Variants in STMN4 observed in about 807,000 individuals in gnomAD.
STMN4 encodes the protein stathmin-4.
In STMN4, 12 loss-of-function variants were observed where a neutral mutation model predicts 29.1. The ratio of observed to expected loss-of-function variants is 0.41; its 90% CI spans 0.26 to 0.67. The LOEUF (loss-of-function observed/expected upper bound fraction) is 0.67. Among genes scored for constraint, STMN4 ranks in the 30% least tolerant of loss-of-function variants. STMN4 has a pLI of 0.30. For missense variants in STMN4, 181 were observed against 262.8 expected (o/e 0.69, Z 2.15); for synonymous variants, 114 against 105.3 (o/e 1.08, Z -0.51).
At chr8:27,243,687 T>A (rs4733040) in intron 2 of STMN4, 24 bp downstream of exon 2, 1,183,822 of 1,611,424 alleles carry the variant, frequency 0.73, 436,500 homozygotes, top group East Asian at 0.89. Context: ...CCTACGCCCC[T>A]TAACACATGG....
chr8:27,253,213 C>T (rs898269849), intron 1 of STMN4, among the ~76,000 whole-genome samples: 9 of 152,196 alleles, frequency 5.9e-5, no homozygotes, highest in Non-Finnish European at 7.3e-5. Context: ...CATTGAACTA[C>T]GCTGAAAGAA....
intron 1 of STMN4, among the ~76,000 whole-genome samples, chr8:27,255,528 C>A (rs1383328481): frequency 6.6e-6 from 1 of 152,170 alleles, no homozygotes; most frequent in African/African-American, 2.4e-5. Context: ...AGCAAGAACA[C>A]AAAATATCTG....
intron 1 of STMN4, among the ~76,000 whole-genome samples, chr8:27,254,646 G>A (rs1801887225): frequency 6.6e-6 from 1 of 150,828 alleles, no homozygotes; most frequent in South Asian, 2.1e-4. Flanking sequence ...AGGGGGTGGG[G>A]TGGGAGTGTT....
chr8:27,246,749 G>A (rs1801634950), intron 1 of STMN4, among the ~76,000 whole-genome samples: 1 of 152,200 alleles, frequency 6.6e-6, no homozygotes, highest in Non-Finnish European at 1.5e-5. Context: ...GAACCTGCAA[G>A]AGACAAGGAC....
chr8:27,241,703 G>A lies in STMN4; in HGVS notation c.164C>T (p.Ala55Val), dbSNP rs747579578. The A allele has an allele frequency of 4.3e-6, 7 of 1,614,166 alleles. No individual in the cohort carries two copies. In the Admixed American group the frequency reaches 1.2e-4, roughly 27 times the overall value. The change falls in exon 4 of 7, where the codon GCT (alanine) becomes GTT (valine). Residue 55 changes from alanine to valine, a missense_variant. Coordinates refer to ENST00000350889, the MANE Select transcript of STMN4 (RefSeq NM_030795.4). ...CTGAGCTCTTCTTTCTCTCCAGTCA[G>A]CACTGTCTTTCCGCTGGCTTTCATC... ...RKDESQRKDS[A>V]DWRERRAQAD...
At chr8:27,247,983 C>T (rs1042080828) in intron 1 of STMN4, among the ~76,000 whole-genome samples, 2 of 152,170 alleles carry the variant, frequency 1.3e-5, no homozygotes, top group African/African-American at 4.8e-5. Flanking sequence ...TTGCATCCAG[C>T]AGCAACAAAG....
rs994368446 is a variant in STMN4 at position 27,255,885 on chromosome 8, C to T, written c.-79+2466G>A. Among the ~76,000 whole-genome samples the T allele has an allele frequency of 7.9e-5, 12 of 152,132 alleles. 1 individual carries two copies. Among genetic ancestry groups the T allele is most frequent in the African/African-American group, 2.4e-4 (10 of 41,404 alleles). Reference sequence around the variant, plus strand: ...CTTTCACCGTCCCTCCACCTCTAGTCGACAACCTGGCCACTATGGACAATA... The same window carrying T: ...CTTTCACCGTCCCTCCACCTCTAGTTGACAACCTGGCCACTATGGACAATA... On this transcript the variant is annotated intron_variant, in intron 1 of 6. Transcript: ENST00000350889.
intron 1 of STMN4, among the ~76,000 whole-genome samples, chr8:27,256,439 G>A (rs894511763): frequency 1.3e-5 from 2 of 152,140 alleles, no homozygotes; most frequent in African/African-American, 4.8e-5. Context: ...TTAGGGTTAG[G>A]AGAGGTAATT....
At chr8:27,249,212 G>A (rs1801715062) in intron 1 of STMN4, among the ~76,000 whole-genome samples, 1 of 152,188 alleles carries the variant, frequency 6.6e-6, no homozygotes, top group African/African-American at 2.4e-5. Flanking sequence ...CTCACGGTGG[G>A]ACAGTGGGGA....
intron 1 of STMN4, among the ~76,000 whole-genome samples, chr8:27,253,227 C>A (rs1801843848): frequency 6.6e-6 from 1 of 152,174 alleles, no homozygotes; most frequent in African/African-American, 2.4e-5. Context: ...GAAAGAAATT[C>A]CTTATCTTTT....
intron 2 of STMN4, 118 bp from the exon 3 acceptor site, chr8:27,242,610 G>T: frequency 1.1e-6 from 1 of 922,678 alleles, no homozygotes; most frequent in Non-Finnish European, 1.7e-6. Flanking sequence ...AAACCACGCA[G>T]GCACACGCCA....
intron 1 of STMN4, among the ~76,000 whole-genome samples, chr8:27,257,225 C>G (rs151280310): frequency 8.7e-4 from 133 of 152,264 alleles, no homozygotes; most frequent in Non-Finnish European, 1.5e-3. Flanking sequence ...ATTCCCCTAG[C>G]ACCCGCCTGT....
At chr8:27,256,177 A>G (rs1801934149) in intron 1 of STMN4, among the ~76,000 whole-genome samples, 1 of 152,170 alleles carries the variant, frequency 6.6e-6, no homozygotes, top group East Asian at 1.9e-4. Context: ...TAGAGAAAGA[A>G]TGTAGGATGG....
At chr8:27,247,587 G>T (rs868696115) in intron 1 of STMN4, among the ~76,000 whole-genome samples, 1 of 152,168 alleles carries the variant, frequency 6.6e-6, no homozygotes, top group African/African-American at 2.4e-5. Flanking sequence ...TGTCTTGTGG[G>T]GTTTGTTAAA....
At chr8:27,241,797 T>C in intron 3 of STMN4, 40 bp from the exon 4 acceptor site, 1 of 1,611,444 alleles carries the variant, frequency 6.2e-7, no homozygotes, top group Non-Finnish European at 8.5e-7. Flanking sequence ...CGAGCATGCC[T>C]GTTCCTTGGT....
chr8:27,258,275 T>TC (rs1802002129), intron 1 of STMN4, 76 bp downstream of exon 1: 1 of 152,246 alleles, frequency 6.6e-6, no homozygotes, highest in African/African-American at 2.4e-5. Context: ...CCCTCGCTTC[T>TC]CCCCACTGTA....
In STMN4 at chr8:27,241,212, CG is replaced by C; in HGVS notation, c.240del (p.Ile80MetfsTer3). 6.2e-7 allele frequency: 1 copy of C among 1,614,202 alleles called. No individual in the cohort carries two copies. Among genetic ancestry groups the C allele is most frequent in the Non-Finnish European group, 8.5e-7 (1 of 1,180,042 alleles). ...NWCVISDMEV[I>X]ELNKCTSGQS... ...TGGCCCGAGGTGCATTTGTTCAGCT[CG>C]ATGACTTCCATGTCGGAAATGACGC... On this transcript the variant is annotated frameshift_variant, in exon 5 of 7. Transcript: ENST00000350889. LOFTEE classifies it high-confidence loss of function.
At chr8:27,257,787 G>A (rs373261823) in intron 1 of STMN4, among the ~76,000 whole-genome samples, 7 of 152,312 alleles carry the variant, frequency 4.6e-5, no homozygotes, top group Admixed American at 1.3e-4. Flanking sequence ...CCTCTGGCCA[G>A]GTAGGATTAG....
chr8:27,239,523 A>C, intron 6 of STMN4: 1 of 710,372 alleles, frequency 1.4e-6, no homozygotes, highest in Non-Finnish European at 2.3e-6. Flanking sequence ...GTTTAGAGAG[A>C]ATCATGTTTC....
Sources: gnomAD v4.1 joint callset for allele counts (sites outside exome capture counted in the v4.1 genomes callset) on GRCh38, gnomAD v4.1.1 for gene constraint, MANE v1.5 for transcripts, NCBI Gene and HGNC (gene_info 2026-07-23, HGNC 2026-07-21) for gene names.